The following ZNF385B variants were observed in gnomAD, a reference collection of about 807,000 sequenced individuals.
ZNF385B encodes zinc finger protein 533.
Under a neutral mutation model 39.2 loss-of-function variants are expected in ZNF385B, and 23 were observed. The ratio of observed to expected loss-of-function variants is 0.59; its 90% CI spans 0.42 to 0.83. The LOEUF is 0.83. Among genes scored for constraint, ZNF385B ranks in the 40% least tolerant of loss-of-function variants. The pLI, the probability that ZNF385B is intolerant of heterozygous loss-of-function variation, is 0.00. For synonymous variants in ZNF385B, 205 were observed against 222.6 expected, an observed-to-expected ratio of 0.92 and a Z score of 0.70; for missense variants, 552 against 598.9, an observed-to-expected ratio of 0.92 and a Z score of 0.82.
intron 3 of ZNF385B, among the ~76,000 whole-genome samples, chr2:179,655,681 A>C (rs540085252): frequency 6.6e-6 from 1 of 152,184 alleles, no homozygotes; most frequent in East Asian, 1.9e-4. Context: ...TTAATACTTA[A>C]ATTGGACTAA....
chr2:179,662,302 G>A (rs564190149), intron 3 of ZNF385B, among the ~76,000 whole-genome samples: 19 of 151,590 alleles, frequency 1.3e-4, no homozygotes, highest in Non-Finnish European at 2.2e-4. Flanking sequence ...AGTGGCTGGT[G>A]TGAATAACAG....
At chr2:179,637,199 A>G (rs529039240) in intron 3 of ZNF385B, 1 of 152,322 alleles carries the variant, frequency 6.6e-6, no homozygotes, top group African/African-American at 2.4e-5. Context: ...TAGATATAAT[A>G]CAGACTTTCC....
intron 3 of ZNF385B, among the ~76,000 whole-genome samples, chr2:179,743,089 AC>A (rs1702172368): frequency 6.6e-6 from 1 of 152,064 alleles, no homozygotes; most frequent in Non-Finnish European, 1.5e-5. Flanking sequence ...ACATTCTAAA[AC>A]TTTTTTAAAA....
intron 6 of ZNF385B, among the ~76,000 whole-genome samples, chr2:179,448,558 T>C (rs182027694): frequency 4.6e-5 from 7 of 152,260 alleles, no homozygotes; most frequent in Non-Finnish European, 1.0e-4. Context: ...CTTAAATTTA[T>C]ATAGAACTTT....
chr2:179,584,608 A>G (rs1686892349), intron 3 of ZNF385B, among the ~76,000 whole-genome samples: 1 of 152,168 alleles, frequency 6.6e-6, no homozygotes, highest in Non-Finnish European at 1.5e-5. Context: ...GTGGCTTAGA[A>G]GGCATGGAGT....
At chr2:179,594,594 A>C (rs568438989) in intron 3 of ZNF385B, among the ~76,000 whole-genome samples, 4 of 152,304 alleles carry the variant, frequency 2.6e-5, no homozygotes, top group African/African-American at 9.6e-5. Context: ...AGGTTGACTC[A>C]GTTACTAAAA....
At chr2:179,655,303 C>T (rs746985927) in intron 3 of ZNF385B, among the ~76,000 whole-genome samples, 65 of 151,990 alleles carry the variant, frequency 4.3e-4, no homozygotes, top group Admixed American at 1.3e-3. Context: ...AAAGTGAAAA[C>T]ATTGTGGAGG....
chr2:179,652,655 G>T (rs1693299434), intron 3 of ZNF385B, among the ~76,000 whole-genome samples: 1 of 152,002 alleles, frequency 6.6e-6, no homozygotes, highest in African/African-American at 2.4e-5. Context: ...TCTGCTTTTA[G>T]CTAGATGAGC....
At chr2:179,738,789 T>A (rs1234799601) in intron 3 of ZNF385B, among the ~76,000 whole-genome samples, 2 of 152,182 alleles carry the variant, frequency 1.3e-5, no homozygotes, top group Non-Finnish European at 2.9e-5. Context: ...TTTGATAACA[T>A]CTACAGATTT....
chr2:179,512,793 T>C (rs1313329622), intron 5 of ZNF385B, among the ~76,000 whole-genome samples: 1 of 152,228 alleles, frequency 6.6e-6, no homozygotes, highest in East Asian at 1.9e-4. Flanking sequence ...TGGACTGCAA[T>C]GCCTGCTCCC....
At position 179,601,706 on chromosome 2, in the gene ZNF385B, G is replaced by C. The variant is rs564163426; in HGVS notation, c.299-56737C>G. ...ATATATATGAGTTACTTGAAATTTT[G>C]TATTAATTGCAATGTACTCATTACA... On this transcript the variant is annotated intron_variant, in intron 3 of 9. Transcript: ENST00000410066. Among the ~76,000 whole-genome samples the C allele has an allele frequency of 2.6e-5, 4 of 151,984 alleles. No individual in the cohort carries two copies. In the South Asian group the frequency reaches 8.3e-4, roughly 32 times the overall value.
intron 1 of ZNF385B, among the ~76,000 whole-genome samples, chr2:179,792,714 C>T (rs558696750): frequency 6.6e-6 from 1 of 151,922 alleles, no homozygotes; most frequent in Non-Finnish European, 1.5e-5. Context: ...AACTCTGAAA[C>T]GTGAAAATAA....
intron 3 of ZNF385B, among the ~76,000 whole-genome samples, chr2:179,717,382 CAA>C (rs1242984040): frequency 6.6e-6 from 1 of 151,902 alleles, no homozygotes; most frequent in Non-Finnish European, 1.5e-5. Context: ...CTTGTTCTGC[CAA>C]GATAGATGGA....
intron 3 of ZNF385B, among the ~76,000 whole-genome samples, chr2:179,713,002 A>G (rs1700101806): frequency 6.6e-6 from 1 of 152,224 alleles, no homozygotes; most frequent in Admixed American, 6.5e-5. Context: ...CACAGCATCC[A>G]GTCAACCACG....
In ZNF385B at chr2:179,442,687, G is replaced by T. The variant is rs188721379; in HGVS notation, c.*563C>A. On this transcript the variant is annotated 3_prime_UTR_variant, in exon 10 of 10. Transcript: ENST00000410066. ...CTACACAGGATACAGCAGTACTTGGGTCGAAACAGTACACAATCCCTGTCA... is the reference window on the plus strand; with the variant it reads ...CTACACAGGATACAGCAGTACTTGGTTCGAAACAGTACACAATCCCTGTCA... 55 of 170,812 alleles carry T rather than the reference G, an allele frequency of 3.2e-4. No homozygotes were observed. In the East Asian group the frequency reaches 9.6e-3, roughly 30 times the overall value. The allele number at this position is 170,812 out of a possible 1,614,324, so 10.6% of individuals were successfully genotyped here.
rs753976902 is a variant in ZNF385B at position 179,446,732 on chromosome 2, G to A, written c.754C>T (p.Pro252Ser). The change falls in exon 7 of 10, where the codon CCA becomes TCA. Residue 252 changes from proline (P) to serine (S), a missense_variant. By Grantham distance (74) the Pro-to-Ser change is moderately conservative. Transcript: ENST00000410066. ...GKLKASSSSQ[P>S]SSSESGSFLL... ...AATGAGCCACTTTCAGAGCTTGATG[G>A]CTGACTGGAACTGCTGGCTTTTAAC... is the stretch of plus-strand genomic sequence containing the variant. 6.2e-7 allele frequency: 1 copy of A among 1,613,752 alleles called. No homozygotes were observed. The highest frequency in any genetic ancestry group is 8.5e-7 in the Non-Finnish European group (1 of 1,179,858).
At chr2:179,705,969 T>C (rs1414537931) in intron 3 of ZNF385B, among the ~76,000 whole-genome samples, 1 of 152,212 alleles carries the variant, frequency 6.6e-6, no homozygotes, top group Non-Finnish European at 1.5e-5. Flanking sequence ...TGATTCCTAA[T>C]CCTCCTTTTA....
chr2:179,499,910 C>T (rs2056601698), intron 5 of ZNF385B, among the ~76,000 whole-genome samples: 1 of 151,674 alleles, frequency 6.6e-6, no homozygotes, highest in African/African-American at 2.4e-5. Context: ...ACATAAAAAC[C>T]TATTAGGACT....
intron 3 of ZNF385B, chr2:179,584,107 G>A: frequency 2.1e-6 from 1 of 465,368 alleles, no homozygotes. Flanking sequence ...TTACATTAGA[G>A]CAGAGTTTTT....
Sources: gnomAD v4.1 joint callset for allele counts (sites outside exome capture counted in the v4.1 genomes callset) on GRCh38, gnomAD v4.1.1 for gene constraint, MANE v1.5 for transcripts, NCBI Gene and HGNC (gene_info 2026-07-23, HGNC 2026-07-21) for gene names.